Variants in CACNA1G observed in about 807,000 individuals in gnomAD.
The protein encoded by CACNA1G is calcium voltage-gated channel subunit alpha1 G.
A neutral mutation model predicts 219.4 loss-of-function variants in CACNA1G; 67 were observed. The observed-to-expected ratio is 0.31, with a 90% CI of 0.25 to 0.37. The LOEUF (loss-of-function observed/expected upper bound fraction) is 0.37. CACNA1G is among the 10% of genes least tolerant of loss of function. The probability of loss-of-function intolerance (pLI) is 1.00; values close to 1 mark genes in which losing one functional copy is unlikely to be tolerated. For missense variants in CACNA1G, 2,380 were observed against 3,231.4 expected (o/e 0.74, Z 6.39); for synonymous variants, 1,296 against 1,345.3 (o/e 0.96, Z 0.80).
intron 1 of CACNA1G, chr17:50,562,210 C>G (rs1396840433): frequency 1.3e-5 from 2 of 153,432 alleles, no homozygotes; most frequent in African/African-American, 4.8e-5. Context: ...CTTCCCCCGC[C>G]CCAAAGTTTG....
intron 1 of CACNA1G, among the ~76,000 whole-genome samples, chr17:50,567,105 G>T (rs189809667): frequency 1.3e-5 from 2 of 152,270 alleles, no homozygotes; most frequent in Admixed American, 6.5e-5. Flanking sequence ...TTTTTCCAGG[G>T]TGACCCCTGG....
At chr17:50,572,941 G>A (rs1199581048) in intron 6 of CACNA1G, 80 bp from the exon 7 acceptor site, 2 of 1,572,088 alleles carry the variant, frequency 1.3e-6, no homozygotes, top group East Asian at 2.3e-5. Context: ...TCAGGGTTGG[G>A]GTGGGGGTCA....
At position 50,621,204 on chromosome 17, in the gene CACNA1G, GC is replaced by G. The variant is rs951211984; in HGVS notation, c.5926-450del. Among the ~76,000 whole-genome samples the G allele has an allele frequency of 2.0e-5, 3 of 152,062 alleles. No individual in the cohort carries two copies. The highest frequency in any genetic ancestry group is 4.4e-5 in the Non-Finnish European group (3 of 68,008). The stretch of plus-strand genomic sequence containing the variant: ...TCAGATTGGTGGCATTGTCGCCGGC[GC>G]CCCCCGTGCCGCTCTGTCTGTGCCG... On this transcript the variant is annotated intron_variant, in intron 34 of 37. Transcript: ENST00000359106. This position sits in a 1 kb window ranked among gnomAD's most constrained non-coding sequence, Gnocchi z 4.6.
intron 9 of CACNA1G, among the ~76,000 whole-genome samples, chr17:50,583,555 G>A (rs2042386741): frequency 6.6e-6 from 1 of 152,080 alleles, no homozygotes; most frequent in Non-Finnish European, 1.5e-5. Flanking sequence ...AGGGGACAAA[G>A]GAGAGCTGCT....
intron 1 of CACNA1G, among the ~76,000 whole-genome samples, chr17:50,565,409 C>A (rs999364813): frequency 6.6e-6 from 1 of 150,430 alleles, no homozygotes; most frequent in Non-Finnish European, 1.5e-5. Context: ...CTGGGGGAAT[C>A]CCCCTTTGAG....
chr17:50,572,757 A>G lies in CACNA1G; in HGVS notation c.950A>G (p.Asn317Ser). Reference protein sequence around the residue: ...SSSNTTCVNWNQYYTNCSAGE... With the variant: ...SSSNTTCVNWSQYYTNCSAGE... Reference sequence around the variant, plus strand: ...AGCAACACCACCTGTGTCAACTGGAACCAGTACTACACCAACTGCTCAGCG... The same window carrying G: ...AGCAACACCACCTGTGTCAACTGGAGCCAGTACTACACCAACTGCTCAGCG... The change falls in exon 6 of 38, where the codon AAC (asparagine) becomes AGC (serine). Residue 317 changes from asparagine to serine, a missense_variant. Physicochemically the swap from Asn to Ser is conservative, Grantham distance 46. Transcript: ENST00000359106. 6.2e-7 allele frequency: 1 copy of G among 1,614,046 alleles called. No individual in the cohort carries two copies. Among genetic ancestry groups the G allele is most frequent in the Non-Finnish European group, 8.5e-7 (1 of 1,179,898 alleles).
intron 7 of CACNA1G, 52 bp downstream of exon 7, chr17:50,573,165 TG>T (rs1330492258): frequency 1.4e-5 from 19 of 1,338,856 alleles, no homozygotes; most frequent in Non-Finnish European, 1.9e-5. Context: ...GGGACACCTG[TG>T]GGGGCAGTCC....
intron 4 of CACNA1G, among the ~76,000 whole-genome samples, chr17:50,570,015 C>T (rs942589341): frequency 6.6e-6 from 1 of 152,164 alleles, no homozygotes; most frequent in Non-Finnish European, 1.5e-5. Context: ...CTCATTTTAG[C>T]CTGGCTTTAG....
intron 16 of CACNA1G, 91 bp downstream of exon 16, chr17:50,597,014 C>T (rs1368657783): frequency 4.9e-6 from 6 of 1,213,798 alleles, no homozygotes; most frequent in Non-Finnish European, 3.4e-6. Context: ...TCCAAGGGCA[C>T]AGCCCCTGCC....
intron 22 of CACNA1G, among the ~76,000 whole-genome samples, chr17:50,604,576 C>T (rs1012547700): frequency 6.6e-6 from 1 of 152,220 alleles, no homozygotes; most frequent in Non-Finnish European, 1.5e-5. Flanking sequence ...GACGCTGGCC[C>T]GCGGTCTACT....
At chr17:50,583,343 G>C (rs1002920695) in intron 9 of CACNA1G, among the ~76,000 whole-genome samples, 3 of 152,130 alleles carry the variant, frequency 2.0e-5, no homozygotes, top group African/African-American at 7.2e-5. Flanking sequence ...GTGTTCTCTT[G>C]TTCTTTTAGG....
Position 50,576,033 on chromosome 17 carries a change from G to C in CACNA1G, c.1631G>C (p.Gly544Ala). The change falls in exon 8 of 38, where the codon GGG becomes GCG. Residue 544 changes from glycine to alanine, a missense_variant. Transcript: ENST00000359106. ...LPPPSTPALS[G>A]APPGGAESVH... is the part of the protein sequence containing the mutation. ...CCACCCTCGACGCCTGCCCTCTCCG[G>C]GGCCCCCCCTGGTGGCGCAGAGTCT... 6.4e-7 allele frequency: 1 copy of C among 1,569,626 alleles called. No homozygotes were observed. Among genetic ancestry groups the C allele is most frequent in the Non-Finnish European group, 8.6e-7 (1 of 1,158,364 alleles).
Position 50,583,111 on chromosome 17 carries a change from C to G in CACNA1G, c.2301+4547C>G, listed in dbSNP as rs59976215. On this transcript the variant is annotated intron_variant, in intron 9 of 37. Transcript: ENST00000359106. ...CCTCTCCCCAGAAAATCCCCATATGCCTGGACACCCTAAATGTGGCCTTTG... is the reference window on the plus strand; with the variant it reads ...CCTCTCCCCAGAAAATCCCCATATGGCTGGACACCCTAAATGTGGCCTTTG... Among the ~76,000 whole-genome samples the G allele has an allele frequency of 5.1e-3, 781 of 152,216 alleles. 3 individuals are homozygous for G. The highest frequency in any genetic ancestry group is 0.019 in the African/African-American group (769 of 41,522).
intron 7 of CACNA1G, among the ~76,000 whole-genome samples, chr17:50,574,723 T>C (rs1035370631): frequency 6.6e-6 from 1 of 152,166 alleles, no homozygotes; most frequent in Non-Finnish European, 1.5e-5. Flanking sequence ...TTATCATAAT[T>C]ACTAGGACAC....
intron 22 of CACNA1G, among the ~76,000 whole-genome samples, chr17:50,605,073 T>G (rs889937381): frequency 6.6e-6 from 1 of 152,124 alleles, no homozygotes; most frequent in Non-Finnish European, 1.5e-5. Flanking sequence ...CAAAGCTGTG[T>G]GGTGCCTCTC....
In CACNA1G at chr17:50,560,971, C is replaced by T; in HGVS notation, c.-489C>T. On this transcript the variant is annotated 5_prime_UTR_variant, in exon 1 of 38. Transcript: ENST00000359106. ...CCACCCCTAAAGAGATCCCTCCTCC[C>T]CTCCCCCGCCGCCTGGCGCGGAGCC... The T allele has an allele frequency of 3.7e-6, 1 of 270,288 alleles. No individual in the cohort carries two copies. 16.7% of individuals were successfully genotyped at this position (270,288 alleles called of 1,614,324 possible).
At chr17:50,590,253 G>A (rs1161595567) in intron 9 of CACNA1G, among the ~76,000 whole-genome samples, 2 of 152,142 alleles carry the variant, frequency 1.3e-5, no homozygotes, top group African/African-American at 4.8e-5. Flanking sequence ...CTGGGGCTAT[G>A]GGTTTCACGT....
In CACNA1G at chr17:50,591,371, C is replaced by T. The variant is rs201913021; in HGVS notation, c.2454-64C>T. The T allele has an allele frequency of 3.7e-4, 526 of 1,438,816 alleles. 6 individuals carry two copies. The East Asian group carries it at 0.012, about 34-fold the overall frequency. 89.1% of individuals were successfully genotyped at this position (1,438,816 alleles called of 1,614,324 possible). On this transcript the variant is annotated intron_variant, in intron 10 of 37. Coordinates refer to ENST00000359106, the MANE Select transcript of CACNA1G (RefSeq NM_018896.5). ...AGGCCCTTGGGTGCTACTGAGTCCT[C>T]TCCGAGGGAGTAGGGGGAGAGGGTG...
chr17:50,614,342 G>A (rs2049958003), intron 26 of CACNA1G, among the ~76,000 whole-genome samples: 1 of 152,160 alleles, frequency 6.6e-6, no homozygotes, highest in Non-Finnish European at 1.5e-5. Flanking sequence ...ACGGGGAAGG[G>A]CTGTCTGGGA....
Sources: gnomAD v4.1 joint callset for allele counts (sites outside exome capture counted in the v4.1 genomes callset) on GRCh38, gnomAD v4.1.1 for gene constraint, Gnocchi (gnomAD v3.1) non-coding constraint, MANE v1.5 for transcripts, NCBI Gene and HGNC (gene_info 2026-07-23, HGNC 2026-07-21) for gene names.